NRXN3: variants seen among roughly 807,000 people sequenced by gnomAD.
The protein encoded by NRXN3 is neurexin III.
Under a neutral mutation model 137.6 loss-of-function variants are expected in NRXN3, and 32 were observed. The observed-to-expected ratio is 0.23, with a 90% CI of 0.18 to 0.31. The LOEUF (loss-of-function observed/expected upper bound fraction) is 0.31, where lower values mean the gene tolerates loss of function less well. NRXN3 is among the 10% of genes least tolerant of loss of function. The pLI, the probability that NRXN3 is intolerant of heterozygous loss-of-function variation, is 1.00. For synonymous variants in NRXN3, 798 were observed against 784.5 expected (o/e 1.02, Z -0.29); for missense variants, 1,574 against 2,062.5 (o/e 0.76, Z 4.59).
chr14:78,658,566 G>T (rs1436422135), intron 6 of NRXN3, among the ~76,000 whole-genome samples: 1 of 152,118 alleles, frequency 6.6e-6, no homozygotes, highest in Admixed American at 6.5e-5. Context: ...TAATTAAAAA[G>T]GCCTGATACT....
intron 19 of NRXN3, among the ~76,000 whole-genome samples, chr14:79,770,111 C>T (rs1281993553): frequency 7.9e-5 from 12 of 151,564 alleles, no homozygotes; most frequent in Non-Finnish European, 2.9e-5. Flanking sequence ...CAGGAGCACC[C>T]AGATTCATAA....
chr14:78,805,329 T>G (rs1307706812), intron 9 of NRXN3, among the ~76,000 whole-genome samples: 2 of 152,088 alleles, frequency 1.3e-5, no homozygotes, highest in Non-Finnish European at 2.9e-5. Context: ...GATCTTTTTG[T>G]GTGCGTGTGT....
intron 15 of NRXN3, among the ~76,000 whole-genome samples, chr14:79,029,959 G>C (rs771255769): frequency 1.3e-5 from 2 of 150,800 alleles, no homozygotes; most frequent in Non-Finnish European, 2.9e-5. Flanking sequence ...TGATCCTACT[G>C]TCTTAGCCCC....
At chr14:79,731,643 C>CTTTTTT (rs530011034) in intron 19 of NRXN3, among the ~76,000 whole-genome samples, 1 of 140,098 alleles carries the variant, frequency 7.1e-6, no homozygotes, top group Non-Finnish European at 1.5e-5. Flanking sequence ...TCCCTTCCTT[C>CTTTTTT]TTTTTTTTTT....
chr14:79,050,870 G>A (rs1595391086), intron 15 of NRXN3, among the ~76,000 whole-genome samples: 1 of 152,246 alleles, frequency 6.6e-6, no homozygotes, highest in Middle Eastern at 3.4e-3. Flanking sequence ...CTTCATTTGG[G>A]TATGGGATTT....
At chr14:78,361,362 G>T (rs1318999597) in intron 4 of NRXN3, among the ~76,000 whole-genome samples, 1 of 152,188 alleles carries the variant, frequency 6.6e-6, no homozygotes, top group Non-Finnish European at 1.5e-5. Flanking sequence ...ATGGGACTAA[G>T]TTTCTTGGGA....
At chr14:79,317,273 T>C (rs2088995184) in intron 15 of NRXN3, among the ~76,000 whole-genome samples, 1 of 152,182 alleles carries the variant, frequency 6.6e-6, no homozygotes, top group South Asian at 2.1e-4. Context: ...AAGATCTCTC[T>C]GGAGGCTCTC....
At chr14:78,596,078 G>A (rs1405688566) in intron 4 of NRXN3, among the ~76,000 whole-genome samples, 3 of 152,244 alleles carry the variant, frequency 2.0e-5, no homozygotes, top group Non-Finnish European at 2.9e-5. Context: ...GAATTATTTG[G>A]CCCCAGATGT....
chr14:79,034,176 T>A (rs539928749), intron 15 of NRXN3, among the ~76,000 whole-genome samples: 3 of 152,074 alleles, frequency 2.0e-5, no homozygotes, highest in Non-Finnish European at 4.4e-5. Flanking sequence ...AGCCAAAGTT[T>A]GTACTGAGTT....
intron 10 of NRXN3, among the ~76,000 whole-genome samples, chr14:78,862,272 A>G (rs1445861881): frequency 6.7e-6 from 1 of 148,392 alleles, no homozygotes; most frequent in Non-Finnish European, 1.5e-5. Flanking sequence ...AGATAGATAA[A>G]TAGATAGATA....
chr14:78,249,816 C>T (rs76878996), intron 2 of NRXN3, among the ~76,000 whole-genome samples: 2,145 of 152,084 alleles, frequency 0.014, 54 homozygotes, highest in African/African-American at 0.05. Context: ...ACCGAGGAAC[C>T]GAGAAATTGG....
chr14:79,155,098 G>C (rs1007158119), intron 15 of NRXN3, among the ~76,000 whole-genome samples: 5 of 151,796 alleles, frequency 3.3e-5, no homozygotes, highest in Admixed American at 2.0e-4. Context: ...GTGGAAAATT[G>C]GTGTCACATT....
At chr14:78,913,538 A>G (rs1183219248) in intron 10 of NRXN3, among the ~76,000 whole-genome samples, 1 of 151,860 alleles carries the variant, frequency 6.6e-6, no homozygotes, top group African/African-American at 2.4e-5. Flanking sequence ...TCGGCCTCCC[A>G]AAGTGCTGGG....
At chr14:78,678,390 C>T (rs1333743247) in intron 6 of NRXN3, among the ~76,000 whole-genome samples, 3 of 151,376 alleles carry the variant, frequency 2.0e-5, no homozygotes, top group African/African-American at 7.3e-5. Context: ...CGGGCTCAAG[C>T]AATTGACTCA....
At chr14:78,495,183 A>T (rs1295420113) in intron 4 of NRXN3, among the ~76,000 whole-genome samples, 1 of 146,112 alleles carries the variant, frequency 6.8e-6, no homozygotes, top group African/African-American at 2.5e-5. Flanking sequence ...GTTGGTACAT[A>T]CTTGAGATGT....
chr14:78,604,033 G>A (rs2097224020), intron 4 of NRXN3, among the ~76,000 whole-genome samples: 1 of 152,148 alleles, frequency 6.6e-6, no homozygotes. Context: ...CAATCACGAC[G>A]GAAGATGAAG....
At chr14:79,475,580 CA>C (rs1386069146) in intron 16 of NRXN3, among the ~76,000 whole-genome samples, 1 of 151,986 alleles carries the variant, frequency 6.6e-6, no homozygotes, top group Non-Finnish European at 1.5e-5. Context: ...ACGACAATTA[CA>C]AAAACAAGAA....
chr14:79,461,646 C>G (rs2096343171), intron 15 of NRXN3, among the ~76,000 whole-genome samples: 1 of 152,134 alleles, frequency 6.6e-6, no homozygotes, highest in African/African-American at 2.4e-5. Context: ...AAGCCTTTCC[C>G]TTTTGGTTTT....
At position 79,184,027 on chromosome 14, in the gene NRXN3, G is replaced by T. The variant is rs139720513; in HGVS notation, c.3262+195886G>T. 3.0e-3 allele frequency among the ~76,000 whole-genome samples: 463 copies of T among 152,252 alleles called. 1 individual carries two copies. Among genetic ancestry groups the T allele is most frequent in the African/African-American group, 0.011 (448 of 41,548 alleles). On this transcript the variant is annotated intron_variant, in intron 15 of 20. Transcript: ENST00000335750. ...AGCCACAACAGCAGAGGTGGGGAGA[G>T]ATGTAGGCATCAGATTGCCTAGAGC...
Sources: gnomAD v4.1 joint callset for allele counts (sites outside exome capture counted in the v4.1 genomes callset) on GRCh38, gnomAD v4.1.1 for gene constraint, MANE v1.5 for transcripts, NCBI Gene and HGNC (gene_info 2026-07-23, HGNC 2026-07-21) for gene names.